Variants in EML4 observed in about 807,000 individuals in gnomAD.
EML4 encodes the protein EMAP like 4.
A neutral mutation model predicts 129.0 loss-of-function variants in EML4; 72 were observed. That is an observed-to-expected ratio of 0.56 (90% confidence interval 0.46 to 0.68). The LOEUF (loss-of-function observed/expected upper bound fraction) is 0.68. Among genes scored for constraint, EML4 ranks in the 30% least tolerant of loss-of-function variants. The pLI, the probability that EML4 is intolerant of heterozygous loss-of-function variation, is 0.00. For synonymous variants in EML4, 532 were observed against 405.0 expected (o/e 1.31, Z -3.77); for missense variants, 1,363 against 1,190.6 (o/e 1.14, Z -2.13).
intron 4 of EML4, 40 bp downstream of exon 4, chr2:42,261,334 T>TA (rs1035911398): frequency 1.3e-6 from 2 of 1,497,428 alleles, no homozygotes. Context: ...GGAATGGTTG[T>TA]AATGATACCT....
At chr2:42,187,078 C>T (rs1016237301) in intron 1 of EML4, among the ~76,000 whole-genome samples, 1 of 151,240 alleles carries the variant, frequency 6.6e-6, no homozygotes, top group Non-Finnish European at 1.5e-5. Context: ...GGGTCTTGCT[C>T]TGTTGCCCAG....
intron 1 of EML4, among the ~76,000 whole-genome samples, chr2:42,208,807 T>TC (rs1553366122): frequency 6.6e-6 from 1 of 151,602 alleles, no homozygotes; most frequent in African/African-American, 2.4e-5. Context: ...TTTTTTTTTT[T>TC]CAGACACAGA....
intron 18 of EML4, among the ~76,000 whole-genome samples, chr2:42,316,618 A>G (rs1418643076): frequency 6.6e-6 from 1 of 152,212 alleles, no homozygotes; most frequent in Non-Finnish European, 1.5e-5. Flanking sequence ...TTCTGTGATA[A>G]TACTCCAGTT....
chr2:42,299,645 G>A (rs2103702426), intron 13 of EML4, among the ~76,000 whole-genome samples: 1 of 152,220 alleles, frequency 6.6e-6, no homozygotes, highest in South Asian at 2.1e-4. Context: ...ACAATGTGTG[G>A]TCTTTTATGA....
At chr2:42,302,191 AG>A (rs1432981632) in intron 14 of EML4, among the ~76,000 whole-genome samples, 9 of 152,154 alleles carry the variant, frequency 5.9e-5, no homozygotes, top group Admixed American at 1.3e-4. Context: ...TAATTTACAG[AG>A]AACTTCCACA....
chr2:42,326,069 AC>A, intron 20 of EML4, 84 bp from the exon 21 acceptor site: 18 of 1,533,698 alleles, frequency 1.2e-5, no homozygotes, highest in Non-Finnish European at 1.6e-5. Context: ...ATACAAGTAA[AC>A]GTGGCTAGTT....
At chr2:42,174,670 A>T (rs930647272) in intron 1 of EML4, among the ~76,000 whole-genome samples, 1 of 152,144 alleles carries the variant, frequency 6.6e-6, no homozygotes, top group Non-Finnish European at 1.5e-5. Flanking sequence ...TTAATTTTGC[A>T]TGCTGTATAT....
chr2:42,324,503 C>T (rs1047843054), intron 19 of EML4, among the ~76,000 whole-genome samples: 1 of 152,186 alleles, frequency 6.6e-6, no homozygotes. Context: ...GTAGTCCCAG[C>T]TATCCAGGAG....
At chr2:42,220,981 C>G (rs1431252641) in intron 1 of EML4, among the ~76,000 whole-genome samples, 2 of 152,152 alleles carry the variant, frequency 1.3e-5, no homozygotes, top group African/African-American at 2.4e-5. Context: ...AAGTTTGAAG[C>G]TAGCAGAGAT....
At chr2:42,217,721 A>G (rs532283466) in intron 1 of EML4, among the ~76,000 whole-genome samples, 1 of 152,184 alleles carries the variant, frequency 6.6e-6, no homozygotes, top group Non-Finnish European at 1.5e-5. Flanking sequence ...AATTTGAACT[A>G]CATTGCTTGA....
rs143350307 is a variant in EML4, at chr2:42,329,777, A to G, written c.2516A>G (p.Asn839Ser). 30 of 1,614,024 alleles carry G rather than the reference A, an allele frequency of 1.9e-5. No homozygotes were observed. The highest frequency in any genetic ancestry group is 8.0e-5 in the African/African-American group (6 of 74,888). The change falls in exon 23 of 23, where the codon AAT (asparagine) becomes AGT (serine). Residue 839 changes from asparagine to serine, a missense_variant. Coordinates refer to ENST00000318522, the MANE Select transcript of EML4 (RefSeq NM_019063.5). ...AGTGCCCACAGCAGCCATGTCACCA[A>G]TGTCAGTTTTACTCACAATGACAGT... ...KYSAHSSHVT[N>S]VSFTHNDSHL...
At position 42,332,217 on chromosome 2, in the gene EML4, A is replaced by C. The variant is rs983927693; in HGVS notation, c.*2010A>C. The C allele has an allele frequency of 3.7e-5, 8 of 217,578 alleles. No homozygotes were observed. Among genetic ancestry groups the C allele is most frequent in the Admixed American group, 1.7e-4 (3 of 17,178 alleles). 13.5% of individuals were successfully genotyped at this position (217,578 alleles called of 1,614,324 possible). ...TGATCAGCAGGGAGTTTATTTGAGG[A>C]CATCAGTCACCTTTGGGGTTGCCAT... On this transcript the variant is annotated 3_prime_UTR_variant, in exon 23 of 23. Transcript: ENST00000318522.
intron 1 of EML4, among the ~76,000 whole-genome samples, chr2:42,202,273 G>A (rs1217969323): frequency 6.6e-6 from 1 of 152,084 alleles, no homozygotes; most frequent in Non-Finnish European, 1.5e-5. Context: ...AGGTGCAGTG[G>A]CTCACACCTA....
chr2:42,298,284 T>C (rs908310230), intron 13 of EML4, among the ~76,000 whole-genome samples: 1 of 152,238 alleles, frequency 6.6e-6, no homozygotes, highest in Non-Finnish European at 1.5e-5. Context: ...TGGCAGGCAG[T>C]GTAAACTTGC....
intron 1 of EML4, among the ~76,000 whole-genome samples, chr2:42,189,373 G>A (rs1242426882): frequency 1.3e-5 from 2 of 152,126 alleles, no homozygotes; most frequent in East Asian, 1.9e-4. Context: ...CCTAGATTGA[G>A]TTCAAGACCA....
chr2:42,231,538 T>C (rs1002006946), intron 1 of EML4, among the ~76,000 whole-genome samples: 1 of 152,252 alleles, frequency 6.6e-6, no homozygotes, highest in African/African-American at 2.4e-5. Context: ...GTGCATGTTA[T>C]TGAACCATTT....
At chr2:42,212,624 G>C (rs909822645) in intron 1 of EML4, among the ~76,000 whole-genome samples, 2 of 152,092 alleles carry the variant, frequency 1.3e-5, no homozygotes, top group African/African-American at 4.8e-5. Flanking sequence ...TTTCTATCCA[G>C]TTAACAGATA....
intron 1 of EML4, among the ~76,000 whole-genome samples, chr2:42,193,003 G>C (rs908442497): frequency 6.6e-6 from 1 of 152,302 alleles, no homozygotes; most frequent in South Asian, 2.1e-4. Flanking sequence ...TGACATGTTT[G>C]GCTGGTTGGC....
At chr2:42,310,277 CTTCCCCTTTCCCTTCCCA>C (rs1297066934) in intron 17 of EML4, among the ~76,000 whole-genome samples, 10 of 151,738 alleles carry the variant, frequency 6.6e-5, no homozygotes, top group Admixed American at 5.9e-4. Context: ...CCTTTCTCCC[CTTCCCCTTTCCCTTCCCA>C]TTCCCCTTTC....
Sources: gnomAD v4.1 joint callset for allele counts (sites outside exome capture counted in the v4.1 genomes callset) on GRCh38, gnomAD v4.1.1 for gene constraint, MANE v1.5 for transcripts, NCBI Gene and HGNC (gene_info 2026-07-23, HGNC 2026-07-21) for gene names.